ZMYM2: variants seen among roughly 807,000 people sequenced by gnomAD.
The protein encoded by ZMYM2 is zinc finger MYM-type containing 2, also known as zinc finger MYM-type protein 2.
A neutral mutation model predicts 162.8 loss-of-function variants in ZMYM2; 56 were observed. That is an observed-to-expected ratio of 0.34 (90% CI 0.28 to 0.43). The LOEUF is 0.43. ZMYM2 is among the 20% of genes least tolerant of loss of function. The pLI is 1.00. For synonymous variants in ZMYM2, 510 were observed against 541.6 expected (o/e 0.94, Z 0.81); for missense variants, 1,275 against 1,621.8 (o/e 0.79, Z 3.67).
chr13:19,986,047 T>C (rs918554848), intron 2 of ZMYM2, among the ~76,000 whole-genome samples: 1 of 151,642 alleles, frequency 6.6e-6, no homozygotes, highest in South Asian at 2.1e-4. Context: ...AAAATCAGCC[T>C]GGCGTGTGGC....
intron 2 of ZMYM2, among the ~76,000 whole-genome samples, chr13:19,980,052 A>G (rs1957177762): frequency 6.6e-6 from 1 of 152,044 alleles, no homozygotes; most frequent in Non-Finnish European, 1.5e-5. Context: ...TTGTAACTTT[A>G]AAATTATAAA....
In ZMYM2 at chr13:19,976,821, C is replaced by T. The variant is rs985009358; in HGVS notation, c.-10-16242C>T. On this transcript the variant is annotated intron_variant, in intron 2 of 24. Coordinates refer to ENST00000610343, the MANE Select transcript of ZMYM2 (RefSeq NM_197968.4). ...GTGTTGTTTAAGCCCCTTCCATTTC[C>T]TTACTGATTTTCCGTTTGGTCGTTC... is the stretch of plus-strand genomic sequence containing the variant. Among the ~76,000 whole-genome samples the T allele has an allele frequency of 2.6e-5, 4 of 152,190 alleles. No homozygotes were observed. The East Asian group carries it at 7.7e-4, about 29-fold the overall frequency.
intron 2 of ZMYM2, among the ~76,000 whole-genome samples, chr13:19,963,156 C>T (rs1955435192): frequency 6.6e-6 from 1 of 152,036 alleles, no homozygotes; most frequent in African/African-American, 2.4e-5. Flanking sequence ...ATTTTTTTAG[C>T]GAATGCAAGG....
intron 2 of ZMYM2, among the ~76,000 whole-genome samples, chr13:19,985,908 G>A (rs1949094289): frequency 1.3e-5 from 2 of 151,762 alleles, no homozygotes; most frequent in African/African-American, 4.8e-5. Flanking sequence ...AAAAAAGCCG[G>A]GTGTGATAAC....
At chr13:19,962,516 T>TATATATATATATATATATATA in intron 2 of ZMYM2, among the ~76,000 whole-genome samples, 2 of 29,814 alleles carry the variant, frequency 6.7e-5, no homozygotes, top group African/African-American at 1.8e-4. Flanking sequence ...TATATATATA[T>TATATATATATATATATATATA]TTTTTTTTTT....
rs180948803 is a variant in ZMYM2 at position 20,077,356 on chromosome 13, C to T, written c.3454-4660C>T. On this transcript the variant is annotated intron_variant, in intron 21 of 24. Coordinates refer to ENST00000610343, the MANE Select transcript of ZMYM2 (RefSeq NM_197968.4). ...ATTTTTTTATGAGGAAGTAAAGTTA[C>T]TTGCCCAAGTTACACAGCTCATAAA... Among the ~76,000 whole-genome samples, 5 of 150,652 alleles carry T rather than the reference C, an allele frequency of 3.3e-5. No individual in the cohort carries two copies. In the East Asian group the frequency reaches 9.6e-4, roughly 29 times the overall value.
chr13:20,012,184 C>CT (rs903795153), intron 6 of ZMYM2, among the ~76,000 whole-genome samples: 81 of 145,792 alleles, frequency 5.6e-4, no homozygotes, highest in South Asian at 4.2e-3. Flanking sequence ...CGCCCCTGGT[C>CT]TTTTTTTTTT....
chr13:20,052,399 G>T, intron 14 of ZMYM2, 88 bp downstream of exon 14: 3 of 1,288,686 alleles, frequency 2.3e-6, no homozygotes, highest in South Asian at 1.6e-5. Flanking sequence ...GATCATAATA[G>T]TAATTTTTTT....
chr13:20,052,655 G>A (rs571559584), intron 14 of ZMYM2, among the ~76,000 whole-genome samples: 6 of 152,262 alleles, frequency 3.9e-5, no homozygotes, highest in Non-Finnish European at 7.4e-5. Context: ...TAAGACAATG[G>A]CAATAGTATG....
At chr13:19,941,547 T>C in the ZMYM2 span, among the ~76,000 whole-genome samples, 6 of 151,976 alleles carry the variant, frequency 3.9e-5, no homozygotes, top group African/African-American at 1.5e-4. Context: ...TTTCCTTATT[T>C]GGGTATAGTT....
intron 2 of ZMYM2, among the ~76,000 whole-genome samples, chr13:19,970,959 G>T (rs1289109763): frequency 2.0e-5 from 3 of 147,902 alleles, no homozygotes; most frequent in Non-Finnish European, 4.4e-5. Context: ...GCGTGAAAAG[G>T]AGTCTTTTCA....
At chr13:20,052,550 T>C (rs978101099) in intron 14 of ZMYM2, among the ~76,000 whole-genome samples, 5 of 152,194 alleles carry the variant, frequency 3.3e-5, no homozygotes, top group Non-Finnish European at 5.9e-5. Context: ...ATAAGTGATA[T>C]TTGAGTTGAC....
chr13:19,893,353 T>C, the ZMYM2 span, among the ~76,000 whole-genome samples: 1 of 151,858 alleles, frequency 6.6e-6, no homozygotes, highest in East Asian at 1.9e-4. Flanking sequence ...AAATACAAAG[T>C]TCTCTGGTAG....
At position 20,086,640 on chromosome 13, in the gene ZMYM2, A is replaced by G. The variant is rs1455281652; in HGVS notation, c.*626A>G. The G allele has an allele frequency of 1.0e-5, 2 of 191,388 alleles. No homozygotes were observed. Among genetic ancestry groups the G allele is most frequent in the African/African-American group, 2.3e-5 (1 of 42,914 alleles). The allele number at this position is 191,388 out of a possible 1,614,324, so 11.9% of individuals were successfully genotyped here. ...TATTGGTGTACTGTAATGTGAATCTATGCTGGTGAAAACAATTTTTTGTTC... is the reference window on the plus strand; with the variant it reads ...TATTGGTGTACTGTAATGTGAATCTGTGCTGGTGAAAACAATTTTTTGTTC... On this transcript the variant is annotated 3_prime_UTR_variant, in exon 25 of 25. Coordinates refer to ENST00000610343, the MANE Select transcript of ZMYM2 (RefSeq NM_197968.4).
chr13:20,076,227 A>G (rs1053295900), intron 21 of ZMYM2, among the ~76,000 whole-genome samples: 6 of 150,302 alleles, frequency 4.0e-5, no homozygotes, highest in South Asian at 2.1e-4. Context: ...CTATATCACA[A>G]TTAATTTAGT....
At chr13:19,978,982 T>C (rs1209814744) in intron 2 of ZMYM2, among the ~76,000 whole-genome samples, 2 of 152,118 alleles carry the variant, frequency 1.3e-5, no homozygotes, top group Non-Finnish European at 2.9e-5. Context: ...TTTCACCTTA[T>C]TTTTGGAGGG....
intron 3 of ZMYM2, among the ~76,000 whole-genome samples, chr13:20,001,891 T>C (rs1202552071): frequency 2.0e-5 from 3 of 152,254 alleles, no homozygotes; most frequent in Non-Finnish European, 4.4e-5. Flanking sequence ...TAAAAAGATA[T>C]AATACTATTG....
chr13:19,945,017 T>C, the ZMYM2 span, among the ~76,000 whole-genome samples: 1 of 151,604 alleles, frequency 6.6e-6, no homozygotes, highest in Non-Finnish European at 1.5e-5. Context: ...CAAAACAAGG[T>C]CAAAATGAAA....
chr13:19,966,298 C>G (rs1024578409), intron 2 of ZMYM2, among the ~76,000 whole-genome samples: 1 of 151,692 alleles, frequency 6.6e-6, no homozygotes, highest in Admixed American at 6.6e-5. Flanking sequence ...CCACGCCTGG[C>G]TAATTTTGTA....
Sources: allele counts gnomAD v4.1 joint callset (sites outside exome capture counted in the v4.1 genomes callset), GRCh38; gene constraint gnomAD v4.1.1; transcripts MANE v1.5; gene names NCBI Gene and HGNC (gene_info 2026-07-23, HGNC 2026-07-21).